The following STEAP1B variants were observed in gnomAD, a reference collection of about 807,000 sequenced individuals.
STEAP1B encodes STEAP family member 1B.
Under a neutral mutation model 27.9 loss-of-function variants are expected in STEAP1B, and 13 were observed. The observed-to-expected ratio is 0.47, with a 90% confidence interval of 0.30 to 0.74. STEAP1B has a LOEUF of 0.74. Among genes scored for constraint, STEAP1B ranks in the 30% least tolerant of loss-of-function variants. The probability of loss-of-function intolerance (pLI) is 0.06; values close to 1 mark genes in which losing one functional copy is unlikely to be tolerated. For missense variants in STEAP1B, 250 were observed against 298.7 expected (o/e 0.84, Z 1.20); for synonymous variants, 86 against 107.1 (o/e 0.80, Z 1.22).
At chr7:22,441,202 C>A (rs908813202) in intron 4 of STEAP1B, among the ~76,000 whole-genome samples, 1 of 151,926 alleles carries the variant, frequency 6.6e-6, no homozygotes, top group Admixed American at 6.6e-5. Context: ...TTTAGTATTC[C>A]CTTCCTATCT....
At chr7:22,431,547 C>A (rs1420880055) in intron 4 of STEAP1B, among the ~76,000 whole-genome samples, 1 of 152,192 alleles carries the variant, frequency 6.6e-6, no homozygotes, top group Non-Finnish European at 1.5e-5. Flanking sequence ...GAGGTCTCCT[C>A]CCAGAGCATG....
chr7:22,437,863 A>T (rs1276797637), intron 4 of STEAP1B, among the ~76,000 whole-genome samples: 1 of 152,212 alleles, frequency 6.6e-6, no homozygotes, highest in Non-Finnish European at 1.5e-5. Flanking sequence ...TGACGTGATT[A>T]TTGAGCATAT....
At chr7:22,453,728 T>C (rs1275215949) in intron 4 of STEAP1B, among the ~76,000 whole-genome samples, 1 of 152,248 alleles carries the variant, frequency 6.6e-6, no homozygotes, top group Non-Finnish European at 1.5e-5. Flanking sequence ...TCCCTAGATG[T>C]AACCACTATT....
chr7:22,490,247 C>G (rs1301841035), intron 4 of STEAP1B, among the ~76,000 whole-genome samples: 2 of 152,066 alleles, frequency 1.3e-5, no homozygotes, highest in African/African-American at 4.8e-5. Context: ...TGCTTGAAAA[C>G]TCAAAAATCT....
At chr7:22,487,300 A>G (rs1398321377) in intron 4 of STEAP1B, among the ~76,000 whole-genome samples, 1 of 152,138 alleles carries the variant, frequency 6.6e-6, no homozygotes, top group East Asian at 1.9e-4. Flanking sequence ...CCCTGTTTCT[A>G]AACAATAAAA....
intron 4 of STEAP1B, among the ~76,000 whole-genome samples, chr7:22,479,500 G>A (rs1170915588): frequency 1.3e-5 from 2 of 152,086 alleles, no homozygotes; most frequent in Non-Finnish European, 2.9e-5. Flanking sequence ...AACCTCCCAT[G>A]GAGCAGGCAA....
intron 4 of STEAP1B, among the ~76,000 whole-genome samples, chr7:22,461,715 A>G (rs1210123301): frequency 2.0e-5 from 3 of 152,230 alleles, no homozygotes; most frequent in African/African-American, 7.2e-5. Flanking sequence ...CTCTGGGAAC[A>G]CAAGCAGGCT....
chr7:22,475,624 T>A (rs377752326), intron 4 of STEAP1B, among the ~76,000 whole-genome samples: 4 of 152,200 alleles, frequency 2.6e-5, no homozygotes, highest in African/African-American at 9.6e-5. Context: ...CCAGCCTGCA[T>A]GGTAAACACA....
chr7:22,498,139 C>T (rs898713045), intron 1 of STEAP1B, among the ~76,000 whole-genome samples: 7 of 152,250 alleles, frequency 4.6e-5, no homozygotes, highest in Admixed American at 2.6e-4. Context: ...TGGCCTGCCA[C>T]TCCCCTCCTG....
rs201011659 is a variant in STEAP1B, at chr7:22,456,978, T to A, written c.762+35587A>T. Among the ~76,000 whole-genome samples the A allele has an allele frequency of 3.4e-4, 18 of 52,276 alleles. 1 individual carries two copies. Among genetic ancestry groups the A allele is most frequent in the South Asian group, 1.6e-3 (2 of 1,238 alleles). 34.3% of individuals were successfully genotyped at this position (52,276 alleles called of 152,430 possible). On this transcript the variant is annotated intron_variant, in intron 4 of 4. Coordinates refer to ENST00000678116, the MANE Select transcript of STEAP1B (RefSeq NM_001382447.1). ...TATATATATATATATATATATTTTTTTTTTTTTTAAGTATCCTGGGTGGTT... is the reference window on the plus strand; with the variant it reads ...TATATATATATATATATATATTTTTATTTTTTTTAAGTATCCTGGGTGGTT...
intron 4 of STEAP1B, chr7:22,492,344 A>T (rs2128417605): frequency 3.7e-5 from 11 of 293,770 alleles, no homozygotes; most frequent in Admixed American, 1.2e-4. Context: ...AAAAAAAAAA[A>T]AAAGGATATT....
intron 4 of STEAP1B, among the ~76,000 whole-genome samples, chr7:22,425,209 A>G (rs1785090912): frequency 6.6e-6 from 1 of 152,184 alleles, no homozygotes; most frequent in African/African-American, 2.4e-5. Context: ...ATTTGGTATG[A>G]TACATTAAAA....
chr7:22,469,388 G>A (rs1394746998), intron 4 of STEAP1B, among the ~76,000 whole-genome samples: 1 of 152,152 alleles, frequency 6.6e-6, no homozygotes, highest in Non-Finnish European at 1.5e-5. Flanking sequence ...ATTGAAGAAT[G>A]TTTTTTATAA....
At chr7:22,455,777 A>G (rs1336082970) in intron 4 of STEAP1B, among the ~76,000 whole-genome samples, 1 of 152,220 alleles carries the variant, frequency 6.6e-6, no homozygotes, top group Non-Finnish European at 1.5e-5. Context: ...ATATGCTTAT[A>G]TAACTGGAAT....
chr7:22,450,601 T>G (rs1785472069), intron 4 of STEAP1B, among the ~76,000 whole-genome samples: 1 of 115,192 alleles, frequency 8.7e-6, no homozygotes, highest in Non-Finnish European at 2.1e-5. Context: ...GTAGTTTTGT[T>G]TTTTTTTTTT....
intron 4 of STEAP1B, among the ~76,000 whole-genome samples, chr7:22,451,848 T>C (rs958567753): frequency 2.0e-5 from 3 of 152,216 alleles, no homozygotes; most frequent in Non-Finnish European, 4.4e-5. Flanking sequence ...TGTTTTGTGG[T>C]TTTTTAAAAA....
At chr7:22,421,435 T>C (rs1408228803) in intron 4 of STEAP1B, among the ~76,000 whole-genome samples, 1 of 152,256 alleles carries the variant, frequency 6.6e-6, no homozygotes, top group East Asian at 1.9e-4. Flanking sequence ...TTGAGGAAAC[T>C]GAGGCGTGGG....
chr7:22,465,540 C>T (rs1253731445), intron 4 of STEAP1B, among the ~76,000 whole-genome samples: 1 of 148,532 alleles, frequency 6.7e-6, no homozygotes, highest in African/African-American at 2.5e-5. Flanking sequence ...CCTACTAATA[C>T]TACAACTTAT....
chr7:22,445,010 C>A (rs2128402915), intron 4 of STEAP1B, among the ~76,000 whole-genome samples: 1 of 152,276 alleles, frequency 6.6e-6, no homozygotes, highest in South Asian at 2.1e-4. Flanking sequence ...CTTCTCTAAC[C>A]CAGAGGCCTA....
Sources: gnomAD v4.1 joint callset for allele counts (sites outside exome capture counted in the v4.1 genomes callset) on GRCh38, gnomAD v4.1.1 for gene constraint, MANE v1.5 for transcripts, NCBI Gene and HGNC (gene_info 2026-07-23, HGNC 2026-07-21) for gene names.